The following PCDH9 variants were observed in gnomAD, a reference collection of about 807,000 sequenced individuals.
PCDH9 encodes protocadherin-9.
Under a neutral mutation model 70.6 loss-of-function variants are expected in PCDH9, and 24 were observed. That is an observed-to-expected ratio of 0.34 (90% CI 0.25 to 0.48). The LOEUF (loss-of-function observed/expected upper bound fraction) is 0.48, where lower values mean the gene tolerates loss of function less well. Ranked by LOEUF, PCDH9 falls within the 20% of genes least tolerant of loss-of-function variation. PCDH9 has a pLI of 0.99. For missense variants in PCDH9, 1,281 were observed against 1,503.6 expected (o/e 0.85, Z 2.45); for synonymous variants, 562 against 558.5 (o/e 1.01, Z -0.09).
intron 2 of PCDH9, among the ~76,000 whole-genome samples, chr13:67,089,091 A>C (rs1459059178): frequency 6.6e-6 from 1 of 152,024 alleles, no homozygotes. Flanking sequence ...TACACATATC[A>C]AAATTAGGAA....
chr13:67,087,064 A>G (rs974389301), intron 2 of PCDH9, among the ~76,000 whole-genome samples: 2 of 149,552 alleles, frequency 1.3e-5, no homozygotes, highest in Non-Finnish European at 1.5e-5. Flanking sequence ...CGTAACCATC[A>G]AGAAGAGAGT....
intron 4 of PCDH9, among the ~76,000 whole-genome samples, chr13:66,310,741 G>T (rs1955546979): frequency 6.6e-6 from 1 of 151,906 alleles, no homozygotes; most frequent in African/African-American, 2.4e-5. Context: ...GCCAAAATTG[G>T]TTTGTAAAAT....
chr13:67,191,902 A>G (rs1033097005), intron 2 of PCDH9, among the ~76,000 whole-genome samples: 5 of 152,130 alleles, frequency 3.3e-5, no homozygotes, highest in Non-Finnish European at 2.9e-5. Flanking sequence ...ATATGATCCT[A>G]AACAAGCCAC....
At chr13:66,736,111 C>A (rs2079144882) in intron 3 of PCDH9, among the ~76,000 whole-genome samples, 1 of 151,912 alleles carries the variant, frequency 6.6e-6, no homozygotes, top group South Asian at 2.1e-4. Flanking sequence ...TAATTAAATA[C>A]AGCATACTAT....
At chr13:66,827,878 T>C (rs957938369) in intron 3 of PCDH9, among the ~76,000 whole-genome samples, 5 of 152,236 alleles carry the variant, frequency 3.3e-5, no homozygotes, top group African/African-American at 7.2e-5. Flanking sequence ...CTTAGAGATA[T>C]ACCACAAAGG....
intron 4 of PCDH9, among the ~76,000 whole-genome samples, chr13:66,340,850 T>C (rs1178682371): frequency 6.6e-6 from 1 of 152,014 alleles, no homozygotes; most frequent in Non-Finnish European, 1.5e-5. Flanking sequence ...CTAGAAATTA[T>C]TGTATTAGTA....
chr13:66,656,860 T>C (rs2077937833), intron 3 of PCDH9, among the ~76,000 whole-genome samples: 1 of 152,194 alleles, frequency 6.6e-6, no homozygotes, highest in South Asian at 2.1e-4. Context: ...GATTTGGGTA[T>C]TTACCTCGTG....
intron 4 of PCDH9, among the ~76,000 whole-genome samples, chr13:66,384,918 C>T (rs1956904962): frequency 6.6e-6 from 1 of 152,130 alleles, no homozygotes; most frequent in Non-Finnish European, 1.5e-5. Flanking sequence ...ATCCGCCTGC[C>T]TCGGTCTCCC....
chr13:67,056,323 A>G (rs1566393513), intron 2 of PCDH9, among the ~76,000 whole-genome samples: 1 of 150,226 alleles, frequency 6.7e-6, no homozygotes. Flanking sequence ...TAGCTAGCTG[A>G]CCTGATAACA....
intron 2 of PCDH9, among the ~76,000 whole-genome samples, chr13:67,158,165 A>G (rs1594590420): frequency 6.6e-6 from 1 of 152,224 alleles, no homozygotes; most frequent in East Asian, 1.9e-4. Flanking sequence ...GAGAGATATT[A>G]TAAAGGCATA....
chr13:66,965,375 A>G (rs1323321319), intron 2 of PCDH9, among the ~76,000 whole-genome samples: 1 of 151,860 alleles, frequency 6.6e-6, no homozygotes, highest in Non-Finnish European at 1.5e-5. Context: ...TCCTCCAGGC[A>G]TTTCCCTTCC....
At chr13:66,420,730 A>G (rs1359967338) in intron 4 of PCDH9, among the ~76,000 whole-genome samples, 1 of 152,148 alleles carries the variant, frequency 6.6e-6, no homozygotes, top group Non-Finnish European at 1.5e-5. Flanking sequence ...ATGAGGAAAA[A>G]CCAGCACAAA....
At chr13:66,797,448 C>T (rs140412883) in intron 3 of PCDH9, among the ~76,000 whole-genome samples, 2,465 of 152,192 alleles carry the variant, frequency 0.016, 76 homozygotes, top group African/African-American at 0.056. Flanking sequence ...GTCTGCTTTA[C>T]GGTTATTAGA....
chr13:66,645,986 A>C (rs991837181), intron 3 of PCDH9, among the ~76,000 whole-genome samples: 1 of 152,228 alleles, frequency 6.6e-6, no homozygotes, highest in Non-Finnish European at 1.5e-5. Context: ...TACAATTCAA[A>C]GTCCCACTAG....
intron 2 of PCDH9, among the ~76,000 whole-genome samples, chr13:67,000,903 C>T (rs1051904843): frequency 1.3e-4 from 20 of 152,146 alleles, no homozygotes; most frequent in African/African-American, 4.3e-4. Flanking sequence ...TTTTAAAGTG[C>T]TAAAGTCATT....
chr13:66,609,954 C>CTTTTTTTTT (rs11333407), intron 4 of PCDH9, among the ~76,000 whole-genome samples: 38 of 117,132 alleles, frequency 3.2e-4, no homozygotes, highest in African/African-American at 1.1e-3. Context: ...GCATTTCCTT[C>CTTTTTTTTT]TTTTTTTTTT....
intron 2 of PCDH9, among the ~76,000 whole-genome samples, chr13:66,986,788 T>G (rs963836961): frequency 6.6e-6 from 1 of 152,000 alleles, no homozygotes; most frequent in African/African-American, 2.4e-5. Flanking sequence ...CTACACAAGA[T>G]GATTGTTTCA....
chr13:66,845,215 T>C (rs377658702), intron 3 of PCDH9, among the ~76,000 whole-genome samples: 108 of 152,254 alleles, frequency 7.1e-4, no homozygotes, highest in African/African-American at 2.6e-3. Context: ...AGGCTTATGC[T>C]AAGGGGCAGC....
chr13:66,420,543 G>A (rs1957547597), intron 4 of PCDH9, among the ~76,000 whole-genome samples: 1 of 152,164 alleles, frequency 6.6e-6, no homozygotes, highest in South Asian at 2.1e-4. Context: ...AGGCAAACAA[G>A]GCATGGAGTG....
Sources: allele counts gnomAD v4.1 joint callset (sites outside exome capture counted in the v4.1 genomes callset), GRCh38; gene constraint gnomAD v4.1.1; transcripts MANE v1.5; gene names NCBI Gene and HGNC (gene_info 2026-07-23, HGNC 2026-07-21).